UBXN11: variants seen among roughly 807,000 people sequenced by gnomAD.
The protein encoded by UBXN11 is UBX domain-containing protein 11.
In UBXN11, 47 loss-of-function variants were observed where a neutral mutation model predicts 62.8. The ratio of observed to expected loss-of-function variants is 0.75; its 90% CI spans 0.59 to 0.95. The LOEUF is 0.95. UBXN11 is among the 40% of genes least tolerant of loss of function. The pLI, the probability that UBXN11 is intolerant of heterozygous loss-of-function variation, is 0.00. For missense variants in UBXN11, 638 were observed against 661.7 expected, an observed-to-expected ratio of 0.96 and a Z score of 0.39; for synonymous variants, 294 against 267.0, an observed-to-expected ratio of 1.10 and a Z score of -0.99.
At chr1:26,291,220 G>A (rs2073256731) in intron 8 of UBXN11, among the ~76,000 whole-genome samples, 1 of 152,336 alleles carries the variant, frequency 6.6e-6, no homozygotes, top group South Asian at 2.1e-4. Context: ...GCAGGCCAGC[G>A]GGGGCCAGGC....
chr1:26,300,879 C>A (rs372020812), intron 4 of UBXN11, 47 bp downstream of exon 4: 3 of 1,613,328 alleles, frequency 1.9e-6, no homozygotes, highest in South Asian at 1.1e-5. Flanking sequence ...GTCTCTGGGG[C>A]CCCCTCCTGC....
chr1:26,285,371 G>T, intron 10 of UBXN11, 93 bp downstream of exon 10: 1 of 1,552,136 alleles, frequency 6.4e-7, no homozygotes, highest in Non-Finnish European at 8.7e-7. Flanking sequence ...GAGTGCAGCG[G>T]CTTCCCCTCA....
rs375072598 is a variant in UBXN11, at chr1:26,285,815, G to T, written c.774+8C>A. The T allele has an allele frequency of 4.4e-6, 7 of 1,592,880 alleles. No individual in the cohort carries two copies. The Admixed American group carries it at 1.2e-4, about 27-fold the overall frequency. On this transcript the variant is annotated splice_region_variant and intron_variant, in intron 9 of 14. Coordinates refer to ENST00000374222, the MANE Select transcript of UBXN11 (RefSeq NM_001389556.1). The stretch of plus-strand genomic sequence containing the variant: ...CTAGAGCACCACCCCCCCCAACACC[G>T]CTCCTACCTGTGTGGAGGGATCGTA...
chr1:26,317,880 A>C, intron 1 of UBXN11: 2 of 703,758 alleles, frequency 2.8e-6, no homozygotes, highest in Non-Finnish European at 2.5e-6. Flanking sequence ...CCACCTTGTA[A>C]GCCCTCCTTC....
rs370678825 is a variant in UBXN11, at chr1:26,282,437, C to T, written c.1425G>A (p.Pro475=). Reference sequence around the variant, plus strand: ...CAGGACTGAATTTCAGGCTGGACTTCGGGGCTCGGCGTGCCCGCAGCAGCA... The same window carrying T: ...CAGGACTGAATTTCAGGCTGGACTTTGGGGCTCGGCGTGCCCGCAGCAGCA... ...AALLLRARRA[P]KSSLKFSPGP... is the part of the protein sequence containing the mutation. Residue 475 remains proline, a synonymous_variant, in exon 15 of 15, where the codon CCG becomes CCA. Transcript: ENST00000374222. 5.6e-5 allele frequency: 90 copies of T among 1,601,062 alleles called. No homozygotes were observed. Among genetic ancestry groups the T allele is most frequent in the African/African-American group, 1.1e-4 (8 of 74,414 alleles).
At chr1:26,295,049 A>C (rs2073360931) in intron 7 of UBXN11, among the ~76,000 whole-genome samples, 1 of 152,126 alleles carries the variant, frequency 6.6e-6, no homozygotes, top group African/African-American at 2.4e-5. Context: ...ATACGACAGA[A>C]CCCAAGTTTG....
chr1:26,284,626 G>A, intron 10 of UBXN11, 144 bp from the exon 11 acceptor site: 1 of 1,396,990 alleles, frequency 7.2e-7, no homozygotes, highest in Non-Finnish European at 9.3e-7. Flanking sequence ...CAGGCCTCAG[G>A]AGAGCCACGG....
At chr1:26,301,580 G>T in intron 3 of UBXN11, 114 bp downstream of exon 3, 1 of 1,440,614 alleles carries the variant, frequency 6.9e-7, no homozygotes, top group Non-Finnish European at 9.5e-7. Context: ...CACGGTGGAG[G>T]CCGCTGCTCC....
intron 1 of UBXN11, among the ~76,000 whole-genome samples, chr1:26,316,691 C>A (rs2073798487): frequency 6.6e-6 from 1 of 152,072 alleles, no homozygotes; most frequent in Non-Finnish European, 1.5e-5. Flanking sequence ...ATAACACCTG[C>A]TGCAGGGCAC....
At chr1:26,317,157 C>G (rs1238445547) in intron 1 of UBXN11, among the ~76,000 whole-genome samples, 1 of 151,622 alleles carries the variant, frequency 6.6e-6, no homozygotes, top group Non-Finnish European at 1.5e-5. Flanking sequence ...AGGATAATTG[C>G]TTGAACCCAG....
intron 8 of UBXN11, among the ~76,000 whole-genome samples, chr1:26,289,707 C>T (rs1264297322): frequency 6.6e-6 from 1 of 152,136 alleles, no homozygotes; most frequent in Non-Finnish European, 1.5e-5. Flanking sequence ...GTGTAAGTAT[C>T]ACTGTGGGGG....
At chr1:26,309,777 G>A (rs1432044476), upstream of UBXN11, among the ~76,000 whole-genome samples, 2 of 152,084 alleles carry the variant, frequency 1.3e-5, no homozygotes, top group Non-Finnish European at 2.9e-5. Context: ...CAAATGTAAA[G>A]TAGAGATACT....
chr1:26,317,922 C>G, intron 1 of UBXN11: 10 of 1,095,698 alleles, frequency 9.1e-6, no homozygotes, highest in Non-Finnish European at 1.4e-5. Context: ...TCCTCTGCCT[C>G]CTGGTTCAAA....
At chr1:26,283,398 T>C (rs1557678760) in intron 12 of UBXN11, among the ~76,000 whole-genome samples, 1 of 152,180 alleles carries the variant, frequency 6.6e-6, no homozygotes, top group Non-Finnish European at 1.5e-5. Context: ...TATGTGTGGC[T>C]GAAGCTGGGG....
intron 8 of UBXN11, among the ~76,000 whole-genome samples, 186 bp from the exon 9 acceptor site, chr1:26,286,223 G>C (rs2073131030): frequency 6.6e-6 from 1 of 152,226 alleles, no homozygotes; most frequent in South Asian, 2.1e-4. Flanking sequence ...TTTTGTGCTA[G>C]GGGTTTACTA....
At chr1:26,284,319 G>A in intron 11 of UBXN11, 43 bp downstream of exon 11, 1 of 1,613,414 alleles carries the variant, frequency 6.2e-7, no homozygotes, top group South Asian at 1.1e-5. Flanking sequence ...AGTTTGTTCT[G>A]CAGTCCCCCA....
chr1:26,299,499 C>G, intron 4 of UBXN11, among the ~76,000 whole-genome samples: 1 of 107,146 alleles, frequency 9.3e-6, no homozygotes, highest in East Asian at 2.6e-4. Flanking sequence ...GGCAACAGAG[C>G]AAGGCAGTCT....
At chr1:26,313,012 T>C (rs1378363839) in intron 1 of UBXN11, among the ~76,000 whole-genome samples, 1 of 116,660 alleles carries the variant, frequency 8.6e-6, no homozygotes, top group African/African-American at 3.5e-5. Context: ...AAAGAGTGAA[T>C]GAGCAAAAGA....
chr1:26,304,003 CCCCTCGACCT>C (rs894350410), intron 1 of UBXN11, among the ~76,000 whole-genome samples: 5 of 152,146 alleles, frequency 3.3e-5, no homozygotes, highest in Non-Finnish European at 7.4e-5. Flanking sequence ...GTGATCCGCC[CCCCTCGACCT>C]CCCAAAGTGC....
Sources: gnomAD v4.1 joint callset for allele counts (sites outside exome capture counted in the v4.1 genomes callset) on GRCh38, gnomAD v4.1.1 for gene constraint, MANE v1.5 for transcripts, NCBI Gene and HGNC (gene_info 2026-07-23, HGNC 2026-07-21) for gene names.